Variants in SHC4 observed in about 807,000 individuals in gnomAD.
The protein encoded by SHC4 is SHC adaptor protein 4.
SHC4 carries 41 observed loss-of-function variants against 69.4 expected under a neutral mutation model. That is an observed-to-expected ratio of 0.59 (90% confidence interval 0.46 to 0.77). The LOEUF (loss-of-function observed/expected upper bound fraction) is 0.77, where lower values mean the gene tolerates loss of function less well. SHC4 is among the 30% of genes least tolerant of loss of function. SHC4 has a pLI of 0.00. For missense variants in SHC4, 777 were observed against 783.8 expected, an observed-to-expected ratio of 0.99 and a Z score of 0.10; for synonymous variants, 318 against 299.3, an observed-to-expected ratio of 1.06 and a Z score of -0.64.
intron 1 of SHC4, chr15:48,946,615 C>T: frequency 1.0e-6 from 1 of 984,126 alleles, no homozygotes; most frequent in Non-Finnish European, 1.2e-6. Context: ...GAATCTCTTT[C>T]ACTTGTTTCA....
At chr15:48,950,159 T>C (rs953198851) in intron 1 of SHC4, among the ~76,000 whole-genome samples, 1 of 145,190 alleles carries the variant, frequency 6.9e-6, no homozygotes, top group African/African-American at 2.5e-5. Context: ...TTGTATATAT[T>C]ATTTTATATT....
Position 48,851,248 on chromosome 15 carries a change from G to C in SHC4, c.1243C>G (p.Pro415Ala). The change falls in exon 9 of 12, where the codon CCT (proline) becomes GCT (alanine). Residue 415 changes from proline (P) to alanine (A), a missense_variant and splice_region_variant. Coordinates refer to ENST00000332408, the MANE Select transcript of SHC4 (RefSeq NM_203349.4). ...PIQCEKLCYL[P>A]GNSKCSSVYE... ...ACACTGCTGCACTTGGAGTTTCCAG[G>C]CTGCATGAACAACAAATTATGAAAC... The C allele has an allele frequency of 6.2e-7, 1 of 1,613,964 alleles. No individual in the cohort carries two copies. Among genetic ancestry groups the C allele is most frequent in the African/African-American group, 1.3e-5 (1 of 75,032 alleles).
intron 8 of SHC4, among the ~76,000 whole-genome samples, chr15:48,854,734 A>G (rs1238869894): frequency 6.6e-6 from 1 of 152,176 alleles, no homozygotes; most frequent in African/African-American, 2.4e-5. Flanking sequence ...ACCAAATACC[A>G]CATGTTCTCA....
At chr15:48,859,712 G>C (rs1249024962) in intron 6 of SHC4, among the ~76,000 whole-genome samples, 1 of 152,182 alleles carries the variant, frequency 6.6e-6, no homozygotes, top group Non-Finnish European at 1.5e-5. Flanking sequence ...GAGAATTGCA[G>C]TGAGTCCCTG....
chr15:48,843,365 A>G lies in SHC4; in HGVS notation c.1483+44T>C, dbSNP rs372768571. The stretch of plus-strand genomic sequence containing the variant: ...AATTTCTGTTTGTGGTAATTTGTTA[A>G]AACAGCCCTAAGAAATGAATACAGA... On this transcript the variant is annotated intron_variant, in intron 10 of 11. Coordinates refer to ENST00000332408, the MANE Select transcript of SHC4 (RefSeq NM_203349.4). The G allele has an allele frequency of 1.0e-5, 16 of 1,524,208 alleles. No individual in the cohort carries two copies. In the African/African-American group the frequency reaches 1.9e-4, roughly 19 times the overall value. 94.4% of individuals were successfully genotyped at this position (1,524,208 alleles called of 1,614,324 possible). A position where few individuals can be genotyped will look rare whatever the true frequency, so the allele number is the denominator to read the frequency against.
Position 48,872,094 on chromosome 15 carries a change from C to A in SHC4, c.889G>T (p.Asp297Tyr), listed in dbSNP as rs1159679419. 1 of 1,592,098 alleles carries A rather than the reference C, an allele frequency of 6.3e-7. No individual in the cohort carries two copies. The highest frequency in any genetic ancestry group is 8.6e-7 in the Non-Finnish European group (1 of 1,165,264). ...MQSISFASGGDPDTTDYVAYV... is the reference protein window; with the variant it reads ...MQSISFASGGYPDTTDYVAYV... ...TTCTGTGAATCCATACTTACAGGATCCCCTCCAGAGGCAAATGAAATAGAC... is the reference window on the plus strand; with the variant it reads ...TTCTGTGAATCCATACTTACAGGATACCCTCCAGAGGCAAATGAAATAGAC... Residue 297 changes from aspartate (D) to tyrosine (Y), a missense_variant, in exon 5 of 12, where the codon GAT becomes TAT. Physicochemically the swap from Asp to Tyr is radical, Grantham distance 160. Transcript: ENST00000332408.
At chr15:48,900,556 GCACATGGAGGT>G (rs1255112677) in intron 2 of SHC4, among the ~76,000 whole-genome samples, 2 of 151,908 alleles carry the variant, frequency 1.3e-5, no homozygotes, top group Non-Finnish European at 2.9e-5. Flanking sequence ...TTACCAGAGG[GCACATGGAGGT>G]CCTGAACATC....
chr15:48,847,232 T>C (rs891771226), intron 9 of SHC4, among the ~76,000 whole-genome samples: 1 of 152,034 alleles, frequency 6.6e-6, no homozygotes, highest in Admixed American at 6.6e-5. Context: ...TAAGAGAAGA[T>C]TTGTAGAGGA....
chr15:48,927,367 T>A (rs1487433811), intron 1 of SHC4, among the ~76,000 whole-genome samples: 1 of 152,184 alleles, frequency 6.6e-6, no homozygotes, highest in African/African-American at 2.4e-5. Context: ...CAGGAGGTCT[T>A]GTTGGTGAGG....
At chr15:48,932,230 G>A (rs149329615) in intron 1 of SHC4, among the ~76,000 whole-genome samples, 5 of 152,182 alleles carry the variant, frequency 3.3e-5, no homozygotes, top group African/African-American at 1.2e-4. Context: ...CATCCTTAAA[G>A]CAGAGCTTCC....
chr15:48,828,130 T>C (rs1898725630), intron 11 of SHC4, among the ~76,000 whole-genome samples: 1 of 148,540 alleles, frequency 6.7e-6, no homozygotes, highest in Non-Finnish European at 1.5e-5. Context: ...TATATATATA[T>C]ATATACATCT....
At chr15:48,939,209 G>A (rs183751449) in intron 1 of SHC4, among the ~76,000 whole-genome samples, 5 of 152,292 alleles carry the variant, frequency 3.3e-5, no homozygotes, top group Admixed American at 2.6e-4. Context: ...AATCAATGGC[G>A]CTCCATAGGA....
intron 4 of SHC4, chr15:48,878,032 G>C (rs577971671): frequency 5.8e-6 from 6 of 1,032,910 alleles, no homozygotes; most frequent in African/African-American, 1.6e-5. Flanking sequence ...CCACAGTGGC[G>C]CGCCAAGTAG....
intron 9 of SHC4, among the ~76,000 whole-genome samples, chr15:48,848,323 G>T (rs1245141057): frequency 1.3e-5 from 2 of 152,126 alleles, no homozygotes; most frequent in East Asian, 3.9e-4. Flanking sequence ...ATTTACGGGG[G>T]AGCAAAGTAT....
intron 11 of SHC4, among the ~76,000 whole-genome samples, chr15:48,834,450 G>A (rs545021848): frequency 2.0e-5 from 3 of 152,290 alleles, no homozygotes; most frequent in African/African-American, 7.2e-5. Context: ...AGCACTCTGA[G>A]AGCAAGGACT....
chr15:48,826,253 CT>C (rs34570376), intron 11 of SHC4, 127 bp from the exon 12 acceptor site: 178,364 of 632,680 alleles, frequency 0.28, 3,871 homozygotes, highest in Non-Finnish European at 0.3. Flanking sequence ...AGAAAAGGTA[CT>C]TTTTTTTTTT....
In SHC4 at chr15:48,824,224, G is replaced by A. The variant is rs141626540; in HGVS notation, c.*1747C>T. 1.6e-4 allele frequency: 25 copies of A among 152,218 alleles called. No homozygotes were observed. The highest frequency in any genetic ancestry group is 6.0e-4 in the African/African-American group (25 of 41,548). The allele number at this position is 152,218 out of a possible 1,614,324, so 9.4% of individuals were successfully genotyped here. On this transcript the variant is annotated 3_prime_UTR_variant, in exon 12 of 12. Transcript: ENST00000332408. The stretch of plus-strand genomic sequence containing the variant: ...AAACAAATCCATCTAAAAAATTAAT[G>A]GCAGTAGAAATAAAAATCATAAGCC...
intron 1 of SHC4, among the ~76,000 whole-genome samples, chr15:48,944,617 A>G (rs1327276642): frequency 6.6e-6 from 1 of 152,212 alleles, no homozygotes; most frequent in Non-Finnish European, 1.5e-5. Context: ...CCTACCTAAC[A>G]TGAACAAAAA....
At chr15:48,878,057 G>C in intron 4 of SHC4, 1 of 1,323,884 alleles carries the variant, frequency 7.6e-7, no homozygotes, top group Non-Finnish European at 1.0e-6. Flanking sequence ...CGGTACCTGA[G>C]GACCACGCCT....
Sources: allele counts gnomAD v4.1 joint callset (sites outside exome capture counted in the v4.1 genomes callset), GRCh38; gene constraint gnomAD v4.1.1; transcripts MANE v1.5; gene names NCBI Gene and HGNC (gene_info 2026-07-23, HGNC 2026-07-21).